The following MLXIPL variants were observed in gnomAD, a reference collection of about 807,000 sequenced individuals.
MLXIPL encodes the protein MLX interacting protein like.
MLXIPL carries 49 observed loss-of-function variants against 81.5 expected under a neutral mutation model. The ratio of observed to expected loss-of-function variants is 0.60; its 90% CI spans 0.48 to 0.76. MLXIPL has a LOEUF of 0.76. Ranked by LOEUF, MLXIPL falls within the 30% of genes least tolerant of loss-of-function variation. MLXIPL has a pLI of 0.00. For missense variants in MLXIPL, 1,053 were observed against 1,167.0 expected (o/e 0.90, Z 1.42); for synonymous variants, 466 against 485.5 (o/e 0.96, Z 0.53).
At chr7:73,622,814 G>C (rs960090147) in intron 1 of MLXIPL, among the ~76,000 whole-genome samples, 1 of 152,022 alleles carries the variant, frequency 6.6e-6, no homozygotes, top group Non-Finnish European at 1.5e-5. Flanking sequence ...TCTCCTCTTT[G>C]GTCACCCATC....
At chr7:73,633,079 C>CTT in the MLXIPL span, among the ~76,000 whole-genome samples, 1 of 125,912 alleles carries the variant, frequency 7.9e-6, no homozygotes, top group Admixed American at 7.7e-5. Context: ...CCCCACCCTA[C>CTT]CTTTTTTTTT....
chr7:73,605,961 A>C lies in MLXIPL; in HGVS notation c.769T>G (p.Phe257Val), dbSNP rs1201964766. 1 of 1,595,952 alleles carries C rather than the reference A, an allele frequency of 6.3e-7. No individual in the cohort carries two copies. Among genetic ancestry groups the C allele is most frequent in the African/African-American group, 1.3e-5 (1 of 74,738 alleles). Residue 257 changes from phenylalanine to valine, a missense_variant, in exon 6 of 17, where the codon TTC becomes GTC. By Grantham distance (50) the Phe-to-Val change is conservative. This residue lies in a region of MLXIPL where 823 missense variants were observed against 933.0 expected (regional missense o/e 0.88). Coordinates refer to ENST00000313375, the MANE Select transcript of MLXIPL (RefSeq NM_032951.3). ...CFLSDISDTL[F>V]TMTQSGPSPL... ...GAAGGGCCGGACTGAGTCATGGTGA[A>C]GAGAGTGTCTGAGATGTCGGACAAA...
chr7:73,603,550 G>A (rs943963843), intron 7 of MLXIPL, among the ~76,000 whole-genome samples: 1 of 152,110 alleles, frequency 6.6e-6, no homozygotes, highest in Non-Finnish European at 1.5e-5. Context: ...CCTAGTTCCC[G>A]CCCCATAGGC....
At position 73,623,884 on chromosome 7, in the gene MLXIPL, G is replaced by T. The variant is rs1392342536; in HGVS notation, c.293+316C>A. Among the ~76,000 whole-genome samples, 1 of 152,082 alleles carries T rather than the reference G, an allele frequency of 6.6e-6. No individual in the cohort carries two copies. The highest frequency in any genetic ancestry group is 1.5e-5 in the Non-Finnish European group (1 of 68,016). ...CCTGGCATTTTTGTAGGGACGGAGGGGCTGGGACCAGAGAGAGGGGACCAG... is the reference window on the plus strand; with the variant it reads ...CCTGGCATTTTTGTAGGGACGGAGGTGCTGGGACCAGAGAGAGGGGACCAG... On this transcript the variant is annotated intron_variant, in intron 1 of 16. Transcript: ENST00000313375. The surrounding 1 kb of genome is among the most constrained non-coding windows in gnomAD (Gnocchi z 5.7).
chr7:73,612,860 T>C (rs542803115), intron 2 of MLXIPL, among the ~76,000 whole-genome samples: 3 of 152,060 alleles, frequency 2.0e-5, no homozygotes, highest in Non-Finnish European at 2.9e-5. Flanking sequence ...AGACAGATAC[T>C]GGGACAGGAC....
chr7:73,631,561 T>G, the MLXIPL span, among the ~76,000 whole-genome samples: 1 of 130,060 alleles, frequency 7.7e-6, no homozygotes, highest in Non-Finnish European at 1.7e-5. Flanking sequence ...GTTGCTACTT[T>G]TTTTTTTTTT....
chr7:73,597,285 A>T lies in MLXIPL; in HGVS notation c.1500T>A (p.Pro500=), dbSNP rs782345327. ...MPRGKPPAPS[P]RGQKASPPTL... The stretch of plus-strand genomic sequence containing the variant: ...TAGGGGGGCTGGCTTTCTGTCCCCT[A>T]GGGGATGGGGCGGGGGGCTTGCCTC... The change falls in exon 9 of 17, where the codon CCT becomes CCA. Residue 500 remains proline (P), a synonymous_variant. Coordinates refer to ENST00000313375, the MANE Select transcript of MLXIPL (RefSeq NM_032951.3). The T allele has an allele frequency of 3.4e-6, 5 of 1,454,800 alleles. No homozygotes were observed. The African/African-American group carries it at 4.6e-5, about 13-fold the overall frequency. 90.1% of individuals were successfully genotyped at this position (1,454,800 alleles called of 1,614,324 possible). A position where few individuals can be genotyped will look rare whatever the true frequency, so the allele number is the denominator to read the frequency against.
rs1310228727 is a variant in MLXIPL, at chr7:73,593,382, GA to G, written c.*482del. ...CCTGCAGCCCCTCTGGGTCAGCAGT[GA>G]AGGAGCAGAGAGAGGGAACCTCCTT... On this transcript the variant is annotated 3_prime_UTR_variant, in exon 17 of 17. Coordinates refer to ENST00000313375, the MANE Select transcript of MLXIPL (RefSeq NM_032951.3). 1 of 240,786 alleles carries G rather than the reference GA, an allele frequency of 4.2e-6. No individual in the cohort carries two copies. The highest frequency in any genetic ancestry group is 2.2e-5 in the African/African-American group (1 of 44,484). The allele number at this position is 240,786 out of a possible 1,614,324, so 14.9% of individuals were successfully genotyped here.
chr7:73,637,167 T>C, the MLXIPL span, among the ~76,000 whole-genome samples: 2 of 151,780 alleles, frequency 1.3e-5, no homozygotes, highest in Non-Finnish European at 2.9e-5. Flanking sequence ...CACAAGTCTA[T>C]GTAGATTGAA....
In MLXIPL at chr7:73,596,807, G is replaced by A. The variant is rs782544866; in HGVS notation, c.1672-18C>T. The A allele has an allele frequency of 1.2e-5, 19 of 1,607,584 alleles. No individual in the cohort carries two copies. Among genetic ancestry groups the A allele is most frequent in the Middle Eastern group, 1.7e-4 (1 of 5,978 alleles). On this transcript the variant is annotated intron_variant, in intron 10 of 16. Transcript: ENST00000313375. The surrounding 1 kb of genome is among the most constrained non-coding windows in gnomAD (Gnocchi z 4.7). ...GTCTCCTGCTGGGGTGGAGAAGGGC[G>A]GAGAGTCGGGTTGAAGGCCGTGGGC...
At chr7:73,628,737 C>T (rs781785820), upstream of MLXIPL, among the ~76,000 whole-genome samples, 7 of 152,238 alleles carry the variant, frequency 4.6e-5, no homozygotes, top group Admixed American at 1.3e-4. Flanking sequence ...AGCTGGCTCA[C>T]GCTCTTGCTG....
chr7:73,636,004 G>A, the MLXIPL span, among the ~76,000 whole-genome samples: 6 of 152,198 alleles, frequency 3.9e-5, no homozygotes, highest in Admixed American at 3.3e-4. Context: ...ACTAGAGGGG[G>A]CCAGTCCCAG....
upstream of MLXIPL, among the ~76,000 whole-genome samples, chr7:73,625,972 G>A (rs562074130): frequency 2.7e-4 from 41 of 152,046 alleles, no homozygotes; most frequent in African/African-American, 9.9e-4. Flanking sequence ...TTTTGTTCCT[G>A]CTTCTTTGTA....
At chr7:73,626,894 T>C (rs1261588381), upstream of MLXIPL, among the ~76,000 whole-genome samples, 1 of 152,130 alleles carries the variant, frequency 6.6e-6, no homozygotes, top group Non-Finnish European at 1.5e-5. Context: ...AAGGTTGACA[T>C]GCAGCACTTT....
intron 2 of MLXIPL, among the ~76,000 whole-genome samples, chr7:73,612,575 G>T (rs1795758703): frequency 6.6e-6 from 1 of 151,516 alleles, no homozygotes; most frequent in South Asian, 2.1e-4. Flanking sequence ...CCCGGAGGAG[G>T]AGGCTGCAGT....
chr7:73,597,780 C>T, intron 8 of MLXIPL, 67 bp from the exon 9 acceptor site: 1 of 1,203,084 alleles, frequency 8.3e-7, no homozygotes, highest in Non-Finnish European at 1.1e-6. Context: ...GCCATCTGGG[C>T]CTCCCCTGCC....
At chr7:73,602,342 G>T (rs1794946303) in intron 7 of MLXIPL, among the ~76,000 whole-genome samples, 1 of 150,982 alleles carries the variant, frequency 6.6e-6, no homozygotes, top group Non-Finnish European at 1.5e-5. Flanking sequence ...CTCCTGAGTA[G>T]CTGGGATTAC....
the MLXIPL span, among the ~76,000 whole-genome samples, chr7:73,632,684 G>T: frequency 1.3e-5 from 2 of 152,202 alleles, no homozygotes; most frequent in South Asian, 4.2e-4. Context: ...CAAGGGGCTT[G>T]TCACAGACTG....
upstream of MLXIPL, among the ~76,000 whole-genome samples, chr7:73,625,198 C>T (rs1027087790): frequency 6.6e-6 from 1 of 151,872 alleles, no homozygotes; most frequent in Admixed American, 6.6e-5. Context: ...ACAAAAGGGT[C>T]CCCTATCACA....
Sources: allele counts gnomAD v4.1 joint callset (sites outside exome capture counted in the v4.1 genomes callset), GRCh38; gene constraint gnomAD v4.1.1; regional missense constraint gnomAD v4.1.1; non-coding constraint Gnocchi (gnomAD v3.1); transcripts MANE v1.5; gene names NCBI Gene and HGNC (gene_info 2026-07-23, HGNC 2026-07-21).